Variants in UBE3A observed in about 807,000 individuals in gnomAD.
UBE3A encodes the protein ubiquitin-protein ligase E3A.
UBE3A carries 6 observed loss-of-function variants against 83.4 expected under a neutral mutation model. The ratio of observed to expected loss-of-function variants is 0.07; its 90% CI spans 0.04 to 0.14. The LOEUF (loss-of-function observed/expected upper bound fraction) is 0.14. Ranked by LOEUF, UBE3A falls within the 10% of genes least tolerant of loss-of-function variation. The pLI is 1.00. For synonymous variants in UBE3A, 337 were observed against 355.4 expected, an observed-to-expected ratio of 0.95 and a Z score of 0.58; for missense variants, 456 against 1,036.1, an observed-to-expected ratio of 0.44 and a Z score of 7.69.
intron 4 of UBE3A, among the ~76,000 whole-genome samples, chr15:25,390,956 T>C (rs529698786): frequency 2.0e-5 from 3 of 148,956 alleles, no homozygotes; most frequent in Non-Finnish European, 4.5e-5. Context: ...AAAAAAAATC[T>C]AAAAAAAAAT....
chr15:25,360,784 CAATT>C lies in UBE3A; in HGVS notation c.1609-261_1609-258del, dbSNP rs527945496. Among the ~76,000 whole-genome samples the C allele has an allele frequency of 1.7e-4, 26 of 151,974 alleles. No homozygotes were observed. In the South Asian group the frequency reaches 3.5e-3, roughly 21 times the overall value. The stretch of plus-strand genomic sequence containing the variant: ...ACTGATTTGTTATGAAATTAACATA[CAATT>C]AATTAAGATTTTATTACTTGTGTGT... On this transcript the variant is annotated intron_variant, in intron 6 of 12. Coordinates refer to ENST00000648336, the MANE Select transcript of UBE3A (RefSeq NM_130839.5).
intron 1 of UBE3A, among the ~76,000 whole-genome samples, chr15:25,433,193 G>GT (rs34825571): frequency 0.035 from 4,911 of 140,604 alleles, 229 homozygotes; most frequent in African/African-American, 0.09. Flanking sequence ...TTTCTAAAAA[G>GT]TTTTTTTTTT....
At chr15:25,398,769 ATT>A (rs1407556548) in intron 4 of UBE3A, among the ~76,000 whole-genome samples, 983 of 80,834 alleles carry the variant, frequency 0.012, 32 homozygotes, top group African/African-American at 0.025. Flanking sequence ...TTATTCTTTT[ATT>A]TATATATATA....
At chr15:25,341,673 G>T (rs949213925) in intron 11 of UBE3A, among the ~76,000 whole-genome samples, 1 of 142,586 alleles carries the variant, frequency 7.0e-6, no homozygotes. Flanking sequence ...CAAGGCAGAA[G>T]AATTGCTTGA....
At chr15:25,362,181 CAA>C (rs1404950372) in intron 6 of UBE3A, among the ~76,000 whole-genome samples, 1 of 152,146 alleles carries the variant, frequency 6.6e-6, no homozygotes, top group Non-Finnish European at 1.5e-5. Flanking sequence ...GGATTGCAGT[CAA>C]AGAGTTTGAC....
intron 11 of UBE3A, among the ~76,000 whole-genome samples, chr15:25,348,257 TAACGTATGTGAAAAA>T (rs1378930450): frequency 1.3e-5 from 2 of 152,084 alleles, no homozygotes; most frequent in Non-Finnish European, 2.9e-5. Flanking sequence ...AAGTGATTTT[TAACGTATGTGAAAAA>T]AACAATTCAA....
At position 25,375,760 on chromosome 15, in the gene UBE3A, C is replaced by T. The variant is rs777786077; in HGVS notation, c.66G>A (p.Lys22=). The T allele has an allele frequency of 6.2e-7, 1 of 1,609,136 alleles. No homozygotes were observed. The highest frequency in any genetic ancestry group is 1.1e-5 in the South Asian group (1 of 91,082). Residue 22 remains lysine, a synonymous_variant, in exon 5 of 13, where the codon AAG becomes AAA. Transcript: ENST00000648336. ...CTATTAGATGCTTTGCAGCTGCTCG[C>T]TTCCTGTACCAAACATTCAAACAAT... The part of the protein sequence containing the change: ...QSDDIEASRM[K]RAAAKHLIER...
intron 4 of UBE3A, among the ~76,000 whole-genome samples, chr15:25,402,399 T>C (rs539475783): frequency 1.1e-4 from 16 of 152,234 alleles, no homozygotes; most frequent in African/African-American, 3.9e-4. Flanking sequence ...GGCCTAGAAT[T>C]TGGATCACAA....
intron 11 of UBE3A, among the ~76,000 whole-genome samples, chr15:25,352,066 G>A (rs1172020071): frequency 6.6e-6 from 1 of 152,064 alleles, no homozygotes; most frequent in African/African-American, 2.4e-5. Context: ...GTAGTGGTGT[G>A]CACCTGTAAC....
chr15:25,344,434 C>G (rs2075344820), intron 11 of UBE3A, among the ~76,000 whole-genome samples: 1 of 152,166 alleles, frequency 6.6e-6, no homozygotes, highest in Admixed American at 6.5e-5. Flanking sequence ...AAATGCCATT[C>G]TCCAACAATT....
chr15:25,368,183 C>T (rs2079634669), intron 6 of UBE3A, among the ~76,000 whole-genome samples: 1 of 152,084 alleles, frequency 6.6e-6, no homozygotes. Flanking sequence ...AAATTCATCA[C>T]TTTTGAGCTT....
At chr15:25,438,202 C>G (rs976644365) in intron 1 of UBE3A, 1 of 152,450 alleles carries the variant, frequency 6.6e-6, no homozygotes, top group Admixed American at 6.5e-5. Flanking sequence ...GCCCAAATCT[C>G]GACGCCTCGC....
chr15:25,427,592 C>A lies in UBE3A; in HGVS notation c.-165+10897G>T, dbSNP rs146536851. Reference sequence around the variant, plus strand: ...ACCAAAGTGGGCAACATAGGAAGACCCCATCTCTACAAAAAAAAAAAAAAA... The same window carrying A: ...ACCAAAGTGGGCAACATAGGAAGACACCATCTCTACAAAAAAAAAAAAAAA... On this transcript the variant is annotated intron_variant, in intron 1 of 12. Coordinates refer to ENST00000648336, the MANE Select transcript of UBE3A (RefSeq NM_130839.5). 3.8e-3 allele frequency among the ~76,000 whole-genome samples: 459 copies of A among 121,206 alleles called. 2 individuals are homozygous for A. Among genetic ancestry groups the A allele is most frequent in the African/African-American group, 0.013 (441 of 34,252 alleles). The allele number at this position is 121,206 out of a possible 152,430, so 79.5% of individuals were successfully genotyped here. A position where few individuals can be genotyped will look rare whatever the true frequency, so the allele number is the denominator to read the frequency against.
chr15:25,416,251 A>C (rs2090895529), intron 1 of UBE3A, among the ~76,000 whole-genome samples: 1 of 152,214 alleles, frequency 6.6e-6, no homozygotes, highest in South Asian at 2.1e-4. Flanking sequence ...TTCCAAACCA[A>C]AAATGATTAA....
intron 11 of UBE3A, among the ~76,000 whole-genome samples, chr15:25,349,328 CAT>C (rs1242528224): frequency 2.0e-5 from 3 of 152,006 alleles, no homozygotes; most frequent in African/African-American, 4.8e-5. Context: ...TAGAAGAAAA[CAT>C]AAGATATTTG....
At position 25,338,068 on chromosome 15, in the gene UBE3A, T is replaced by G. The variant is rs897407138; in HGVS notation, c.*1069A>C. 2 of 152,272 alleles carry G rather than the reference T, an allele frequency of 1.3e-5. No homozygotes were observed. Among genetic ancestry groups the G allele is most frequent in the South Asian group, 2.1e-4 (1 of 4,830 alleles). 9.4% of individuals were successfully genotyped at this position (152,272 alleles called of 1,614,324 possible). On this transcript the variant is annotated 3_prime_UTR_variant, in exon 13 of 13. Transcript: ENST00000648336. ...CACAGTAGCCATCTTTTTCATTATG[T>G]TGCAACACTGATCACGTGCCTCGAT...
chr15:25,387,063 C>T (rs1017463245), intron 4 of UBE3A, among the ~76,000 whole-genome samples: 4 of 152,144 alleles, frequency 2.6e-5, no homozygotes, highest in Non-Finnish European at 5.9e-5. Flanking sequence ...ATAATGTCAA[C>T]AATTGTGCTT....
chr15:25,409,196 G>A lies in UBE3A; in HGVS notation c.-89C>T. 2 of 1,279,554 alleles carry A rather than the reference G, an allele frequency of 1.6e-6. No homozygotes were observed. The highest frequency in any genetic ancestry group is 4.9e-5 in the East Asian group (2 of 41,204). 79.3% of individuals were successfully genotyped at this position (1,279,554 alleles called of 1,614,324 possible). A position where few individuals can be genotyped will look rare whatever the true frequency, so the allele number is the denominator to read the frequency against. ...TAGCTGCTACCTTGATCTGAGCGTA[G>A]GCTTAATAACTCTAATAAATTAAAC... is the stretch of plus-strand genomic sequence containing the variant. On this transcript the variant is annotated 5_prime_UTR_variant, in exon 3 of 13. Transcript: ENST00000648336.
At chr15:25,379,505 C>A (rs1023647880) in intron 4 of UBE3A, among the ~76,000 whole-genome samples, 3 of 152,140 alleles carry the variant, frequency 2.0e-5, no homozygotes, top group Admixed American at 2.0e-4. Flanking sequence ...GGAAGCCATG[C>A]CAGAACCTCC....
Sources: allele counts gnomAD v4.1 joint callset (sites outside exome capture counted in the v4.1 genomes callset), GRCh38; gene constraint gnomAD v4.1.1; transcripts MANE v1.5; gene names NCBI Gene and HGNC (gene_info 2026-07-23, HGNC 2026-07-21).